SDK1: variants seen among roughly 807,000 people sequenced by gnomAD.
SDK1 encodes the protein sidekick cell adhesion molecule 1.
SDK1 carries 157 observed loss-of-function variants against 245.5 expected under a neutral mutation model. The ratio of observed to expected loss-of-function variants is 0.64; its 90% confidence interval spans 0.56 to 0.73. The LOEUF is 0.73. Ranked by LOEUF, SDK1 falls within the 30% of genes least tolerant of loss-of-function variation. SDK1 has a pLI of 0.00. For synonymous variants in SDK1, 1,647 were observed against 1,278.5 expected (o/e 1.29, Z -6.15); for missense variants, 3,583 against 3,002.3 (o/e 1.19, Z -4.52).
At chr7:3,331,351 T>G (rs1780064679) in intron 1 of SDK1, among the ~76,000 whole-genome samples, 1 of 152,190 alleles carries the variant, frequency 6.6e-6, no homozygotes, top group South Asian at 2.1e-4. Context: ...CTAATAAGTG[T>G]GAAGTGGTAT....
intron 1 of SDK1, among the ~76,000 whole-genome samples, chr7:3,484,809 C>T (rs1053054895): frequency 2.6e-5 from 4 of 152,180 alleles, no homozygotes; most frequent in Non-Finnish European, 4.4e-5. Context: ...CAGTTATAAA[C>T]GTGTTGCTGC....
At chr7:4,099,187 A>G (rs1490994625) in intron 22 of SDK1, among the ~76,000 whole-genome samples, 1 of 151,968 alleles carries the variant, frequency 6.6e-6, no homozygotes, top group African/African-American at 2.4e-5. Context: ...TGAAAGGCTC[A>G]GGGTTAGAAA....
chr7:3,334,119 T>G (rs148100409), intron 1 of SDK1, among the ~76,000 whole-genome samples: 1 of 152,316 alleles, frequency 6.6e-6, no homozygotes, highest in African/African-American at 2.4e-5. Context: ...GGAACCTAAA[T>G]CTAGAGCAGA....
At chr7:3,780,358 A>G (rs1218486915) in intron 4 of SDK1, among the ~76,000 whole-genome samples, 2 of 152,236 alleles carry the variant, frequency 1.3e-5, no homozygotes, top group African/African-American at 4.8e-5. Flanking sequence ...ACTAGGAGAA[A>G]CAGCATGGCC....
chr7:3,965,078 T>C (rs960581638), intron 9 of SDK1, among the ~76,000 whole-genome samples: 2 of 152,100 alleles, frequency 1.3e-5, no homozygotes, highest in African/African-American at 4.8e-5. Context: ...GGCCTAATGG[T>C]AGATATTTTT....
intron 13 of SDK1, among the ~76,000 whole-genome samples, chr7:3,983,938 T>C (rs1562618649): frequency 6.6e-6 from 1 of 152,206 alleles, no homozygotes; most frequent in Non-Finnish European, 1.5e-5. Context: ...ACTCAGGTCC[T>C]CGGGCACTGC....
intron 1 of SDK1, among the ~76,000 whole-genome samples, chr7:3,599,387 T>C (rs1199295289): frequency 1.3e-5 from 2 of 152,214 alleles, no homozygotes; most frequent in Non-Finnish European, 2.9e-5. Flanking sequence ...TTTCAGATAA[T>C]GTGGTTTGCC....
chr7:3,622,932 A>G (rs987369393), intron 2 of SDK1, among the ~76,000 whole-genome samples: 1 of 152,166 alleles, frequency 6.6e-6, no homozygotes, highest in African/African-American at 2.4e-5. Flanking sequence ...ACCTGTCTAA[A>G]AATCTCATAC....
chr7:3,387,948 A>G (rs1170727095), intron 1 of SDK1, among the ~76,000 whole-genome samples: 1 of 152,220 alleles, frequency 6.6e-6, no homozygotes, highest in Non-Finnish European at 1.5e-5. Context: ...ATAATTTGCT[A>G]TTAAGTGAGA....
At chr7:4,106,978 G>C (rs1035764782) in intron 22 of SDK1, among the ~76,000 whole-genome samples, 3 of 151,984 alleles carry the variant, frequency 2.0e-5, no homozygotes, top group Non-Finnish European at 2.9e-5. Flanking sequence ...AAAGCAGCCA[G>C]ACAGACTGAA....
chr7:4,189,768 C>A (rs998461955), intron 35 of SDK1, among the ~76,000 whole-genome samples: 1 of 152,172 alleles, frequency 6.6e-6, no homozygotes, highest in Non-Finnish European at 1.5e-5. Context: ...GCAGCCATGG[C>A]AATTGAGTGA....
rs181593012 is a variant in SDK1 at position 3,452,927 on chromosome 7, C to T, written c.298+151043C>T. On this transcript the variant is annotated intron_variant, in intron 1 of 44. Coordinates refer to ENST00000404826, the MANE Select transcript of SDK1 (RefSeq NM_152744.4). ...CACAGAACATACTTCATTATGCTGC[C>T]CCTGTTAAAATCAGTTACCCTATTC... 3.3e-5 allele frequency among the ~76,000 whole-genome samples: 5 copies of T among 152,202 alleles called. No individual in the cohort carries two copies. The East Asian group carries it at 9.7e-4, about 29-fold the overall frequency.
At chr7:4,181,124 GCAGCCTCTCACTTACT>G (rs1782580833) in intron 35 of SDK1, among the ~76,000 whole-genome samples, 1 of 152,168 alleles carries the variant, frequency 6.6e-6, no homozygotes, top group African/African-American at 2.4e-5. Context: ...CCCATCCTGG[GCAGCCTCTCACTTACT>G]CTCTGTCACT....
intron 1 of SDK1, among the ~76,000 whole-genome samples, chr7:3,318,344 G>A (rs1002214883): frequency 1.3e-5 from 2 of 152,194 alleles, no homozygotes; most frequent in African/African-American, 4.8e-5. Context: ...GTGACCTTGG[G>A]CAAGTTGAAT....
chr7:3,958,567 C>T (rs1441759768), intron 7 of SDK1, among the ~76,000 whole-genome samples: 1 of 152,230 alleles, frequency 6.6e-6, no homozygotes, highest in African/African-American at 2.4e-5. Flanking sequence ...TGACAAGCTT[C>T]ACGAGCTCGT....
chr7:3,630,933 C>T (rs1420690306), intron 2 of SDK1, among the ~76,000 whole-genome samples: 3 of 151,822 alleles, frequency 2.0e-5, no homozygotes, highest in Non-Finnish European at 4.4e-5. Flanking sequence ...GATTTCTCTA[C>T]AAGATTTTTT....
chr7:4,032,711 A>T (rs539197452), intron 17 of SDK1, among the ~76,000 whole-genome samples: 3 of 152,238 alleles, frequency 2.0e-5, no homozygotes, highest in African/African-American at 7.2e-5. Context: ...CAGAGAGAAG[A>T]TCCCATTTAC....
intron 22 of SDK1, among the ~76,000 whole-genome samples, chr7:4,081,007 C>T (rs566035925): frequency 8.5e-5 from 13 of 152,278 alleles, no homozygotes; most frequent in African/African-American, 3.1e-4. Flanking sequence ...CTATTAAAAT[C>T]CATCTGCAGA....
In SDK1 at chr7:3,901,738, A is replaced by G. The variant is rs537926711; in HGVS notation, c.848-49185A>G. On this transcript the variant is annotated intron_variant, in intron 5 of 44. Coordinates refer to ENST00000404826, the MANE Select transcript of SDK1 (RefSeq NM_152744.4). ...ACTCTTGCCTCAGTCAACTATTACC[A>G]CGATGTTTGTGTCCTAACTTCTACC... Among the ~76,000 whole-genome samples, 6 of 152,200 alleles carry G rather than the reference A, an allele frequency of 3.9e-5. No homozygotes were observed. In the East Asian group the frequency reaches 1.2e-3, roughly 29 times the overall value.
Sources: allele counts gnomAD v4.1 joint callset (sites outside exome capture counted in the v4.1 genomes callset), GRCh38; gene constraint gnomAD v4.1.1; transcripts MANE v1.5; gene names NCBI Gene and HGNC (gene_info 2026-07-23, HGNC 2026-07-21).